Variants in DNAAF9 observed in about 807,000 individuals in gnomAD.
DNAAF9 encodes shulin.
Under a neutral mutation model 167.0 loss-of-function variants are expected in DNAAF9, and 90 were observed. The ratio of observed to expected loss-of-function variants is 0.54; its 90% CI spans 0.45 to 0.64. The LOEUF (loss-of-function observed/expected upper bound fraction) is 0.64. DNAAF9 is among the 30% of genes least tolerant of loss of function. The probability of loss-of-function intolerance (pLI) is 0.00; values close to 1 mark genes in which losing one functional copy is unlikely to be tolerated. For synonymous variants in DNAAF9, 491 were observed against 508.8 expected (o/e 0.96, Z 0.47); for missense variants, 1,315 against 1,442.2 (o/e 0.91, Z 1.43).
intron 7 of DNAAF9, among the ~76,000 whole-genome samples, chr20:3,356,142 C>T (rs2083283849): frequency 6.6e-6 from 1 of 152,166 alleles, no homozygotes; most frequent in Admixed American, 6.5e-5. Context: ...CTCAGCCTCC[C>T]AAGTAGCTGG....
intron 33 of DNAAF9, 44 bp downstream of exon 33, chr20:3,259,436 A>C: frequency 2.5e-6 from 3 of 1,188,114 alleles, no homozygotes; most frequent in Non-Finnish European, 2.5e-6. Context: ...ATGAGATGCA[A>C]GCACTCCATG....
At chr20:3,360,469 CTTT>C (rs1034748549) in intron 6 of DNAAF9, among the ~76,000 whole-genome samples, 1 of 152,150 alleles carries the variant, frequency 6.6e-6, no homozygotes, top group Non-Finnish European at 1.5e-5. Context: ...CATAATATGA[CTTT>C]TTTAGTTTAT....
At chr20:3,294,876 T>C (rs1209376627) in intron 23 of DNAAF9, among the ~76,000 whole-genome samples, 3 of 152,074 alleles carry the variant, frequency 2.0e-5, no homozygotes, top group Non-Finnish European at 4.4e-5. Flanking sequence ...ACCTCTCCTT[T>C]TTTTTTTGAG....
intron 20 of DNAAF9, among the ~76,000 whole-genome samples, chr20:3,306,270 C>T (rs2069290634): frequency 6.6e-6 from 1 of 152,212 alleles, no homozygotes; most frequent in South Asian, 2.1e-4. Flanking sequence ...CCCCACACCC[C>T]ATCCTCTGAT....
At chr20:3,289,986 C>T in intron 26 of DNAAF9, 143 bp downstream of exon 26, 1 of 675,166 alleles carries the variant, frequency 1.5e-6, no homozygotes, top group South Asian at 1.7e-5. Flanking sequence ...AGGAAGTGCT[C>T]AGAAGAGCAT....
Position 3,332,333 on chromosome 20 carries a change from G to C in DNAAF9, c.1010C>G (p.Pro337Arg), listed in dbSNP as rs2069845267. 7 of 1,607,614 alleles carry C rather than the reference G, an allele frequency of 4.4e-6. No homozygotes were observed. The highest frequency in any genetic ancestry group is 2.2e-5 in the South Asian group (2 of 90,920). ...MVAQCVSPKG[P>R]LACSRTYFFG... Reference sequence around the variant, plus strand: ...AAAGTATGTTCTCGAACAAGCAAGAGGTCCCTTTGGTGAGACACACTGGGC... The same window carrying C: ...AAAGTATGTTCTCGAACAAGCAAGACGTCCCTTTGGTGAGACACACTGGGC... Residue 337 changes from proline to arginine, a missense_variant, in exon 11 of 37, where the codon CCT (proline) becomes CGT (arginine). This residue lies in a region of DNAAF9 where 981 missense variants were observed against 1,012.5 expected (regional missense o/e 0.97). Coordinates refer to ENST00000252032, the MANE Select transcript of DNAAF9 (RefSeq NM_001009984.3).
At chr20:3,272,724 G>A (rs181198519) in intron 29 of DNAAF9, among the ~76,000 whole-genome samples, 1 of 151,960 alleles carries the variant, frequency 6.6e-6, no homozygotes, top group Admixed American at 6.6e-5. Flanking sequence ...ATTCTATTTT[G>A]TAATAGAATT....
intron 6 of DNAAF9, among the ~76,000 whole-genome samples, chr20:3,372,973 C>G (rs192724359): frequency 1.3e-3 from 201 of 152,352 alleles, no homozygotes; most frequent in African/African-American, 4.4e-3. Context: ...CCCCTATGGT[C>G]TGCCTCCCTT....
chr20:3,307,576 C>A (rs1247736771), intron 20 of DNAAF9, among the ~76,000 whole-genome samples: 1 of 152,084 alleles, frequency 6.6e-6, no homozygotes, highest in African/African-American at 2.4e-5. Flanking sequence ...ATCTCCCTGA[C>A]TCTTTGTGCC....
rs143357184 is a variant in DNAAF9, at chr20:3,330,462, G to A, written c.1100+184C>T. 4.9e-3 allele frequency among the ~76,000 whole-genome samples: 739 copies of A among 151,610 alleles called. 2 individuals carry two copies. The highest frequency in any genetic ancestry group is 6.8e-3 in the Middle Eastern group (2 of 294). Reference sequence around the variant, plus strand: ...TGCTTATGTTGCCCAGGCTGGTCTCGAATTCCTGGTCTCAAGTGATCCTCC... The same window carrying A: ...TGCTTATGTTGCCCAGGCTGGTCTCAAATTCCTGGTCTCAAGTGATCCTCC... On this transcript the variant is annotated intron_variant, in intron 12 of 36. Coordinates refer to ENST00000252032, the MANE Select transcript of DNAAF9 (RefSeq NM_001009984.3).
chr20:3,304,128 G>A (rs2069244044), intron 21 of DNAAF9, among the ~76,000 whole-genome samples: 1 of 152,218 alleles, frequency 6.6e-6, no homozygotes, highest in African/African-American at 2.4e-5. Flanking sequence ...GGGGCCACTG[G>A]AGGCCTTCTC....
intron 20 of DNAAF9, among the ~76,000 whole-genome samples, chr20:3,313,176 A>G (rs1292511128): frequency 6.6e-6 from 1 of 152,240 alleles, no homozygotes; most frequent in Non-Finnish European, 1.5e-5. Context: ...CTTTCAAAAC[A>G]CTATGCAATC....
intron 10 of DNAAF9, among the ~76,000 whole-genome samples, chr20:3,337,163 G>A (rs1600811477): frequency 2.6e-5 from 4 of 152,014 alleles, no homozygotes; most frequent in African/African-American, 7.2e-5. Context: ...ACAGGCGTGA[G>A]CCACCACGCC....
chr20:3,332,861 C>T (rs1400028918), intron 10 of DNAAF9, among the ~76,000 whole-genome samples: 25 of 148,704 alleles, frequency 1.7e-4, no homozygotes, highest in Admixed American at 8.1e-4. Context: ...TCTTTTGGTG[C>T]GTGTGCGTGC....
intron 1 of DNAAF9, among the ~76,000 whole-genome samples, chr20:3,384,621 C>T (rs2083708283): frequency 6.6e-6 from 1 of 151,502 alleles, no homozygotes; most frequent in Admixed American, 6.6e-5. Context: ...AATCCTCCCT[C>T]CTCAGCCCTC....
intron 30 of DNAAF9, among the ~76,000 whole-genome samples, chr20:3,268,315 A>G (rs981574477): frequency 8.7e-5 from 13 of 149,530 alleles, no homozygotes; most frequent in Non-Finnish European, 1.5e-4. Context: ...GATTACAGGC[A>G]TGAATCACTG....
At chr20:3,396,487 G>A (rs2083908861) in intron 1 of DNAAF9, among the ~76,000 whole-genome samples, 1 of 152,172 alleles carries the variant, frequency 6.6e-6, no homozygotes, top group African/African-American at 2.4e-5. Context: ...TAATTTTAAG[G>A]GAGGGAGGCG....
intron 1 of DNAAF9, among the ~76,000 whole-genome samples, chr20:3,388,563 A>T (rs1268213083): frequency 6.6e-6 from 1 of 152,246 alleles, no homozygotes; most frequent in Non-Finnish European, 1.5e-5. Context: ...AGCAACCCAA[A>T]GTGATAAACA....
At chr20:3,305,335 C>T (rs111828067) in intron 20 of DNAAF9, among the ~76,000 whole-genome samples, 4,512 of 152,312 alleles carry the variant, frequency 0.03, 99 homozygotes, top group African/African-American at 0.055. Context: ...GGTGAAGCTG[C>T]TCTCTGGGGC....
Sources: allele counts gnomAD v4.1 joint callset (sites outside exome capture counted in the v4.1 genomes callset), GRCh38; gene constraint gnomAD v4.1.1; regional missense constraint gnomAD v4.1.1; transcripts MANE v1.5; gene names NCBI Gene and HGNC (gene_info 2026-07-23, HGNC 2026-07-21).